The following SFMBT2 variants were observed in gnomAD, a reference collection of about 807,000 sequenced individuals.
The protein encoded by SFMBT2 is scm-like with four MBT domains protein 2.
In SFMBT2, 38 loss-of-function variants were observed where a neutral mutation model predicts 110.1. The observed-to-expected ratio is 0.35, with a 90% CI of 0.27 to 0.45. The LOEUF (loss-of-function observed/expected upper bound fraction) is 0.45, where lower values mean the gene tolerates loss of function less well. Ranked by LOEUF, SFMBT2 falls within the 20% of genes least tolerant of loss-of-function variation. SFMBT2 has a pLI of 1.00. For synonymous variants in SFMBT2, 425 were observed against 425.4 expected, an observed-to-expected ratio of 1.00 and a Z score of 0.01; for missense variants, 1,011 against 1,094.9, an observed-to-expected ratio of 0.92 and a Z score of 1.08.
At chr10:7,338,342 T>A (rs1843780965) in intron 4 of SFMBT2, among the ~76,000 whole-genome samples, 1 of 152,124 alleles carries the variant, frequency 6.6e-6, no homozygotes, top group Non-Finnish European at 1.5e-5. Flanking sequence ...CCCCCAAAAG[T>A]CAAATATCTG....
chr10:7,255,638 C>A (rs529661351), intron 7 of SFMBT2, among the ~76,000 whole-genome samples: 1 of 152,284 alleles, frequency 6.6e-6, no homozygotes, highest in South Asian at 2.1e-4. Context: ...TTCAGGGAAC[C>A]TTATTTTCAG....
At chr10:7,206,012 T>C (rs1839124575) in intron 11 of SFMBT2, 84 bp from the exon 12 acceptor site, 2 of 1,545,364 alleles carry the variant, frequency 1.3e-6, no homozygotes, top group Non-Finnish European at 1.7e-6. Context: ...AGAGCATCCC[T>C]AACATGGGGA....
rs1840763673 is a variant in SFMBT2, at chr10:7,250,340, T to G, written c.871-1691A>C. Among the ~76,000 whole-genome samples, 4 of 152,198 alleles carry G rather than the reference T, an allele frequency of 2.6e-5. No individual in the cohort carries two copies. The South Asian group carries it at 8.3e-4, about 32-fold the overall frequency. On this transcript the variant is annotated intron_variant, in intron 7 of 20. Transcript: ENST00000397167. Reference sequence around the variant, plus strand: ...CACTTCTAAGCGAGAACATGAGGTATTTGGCTTTCTGATCCTGCATTAGTT... The same window carrying G: ...CACTTCTAAGCGAGAACATGAGGTAGTTGGCTTTCTGATCCTGCATTAGTT...
chr10:7,357,022 C>A (rs552536955), intron 4 of SFMBT2, among the ~76,000 whole-genome samples: 1 of 152,182 alleles, frequency 6.6e-6, no homozygotes, highest in African/African-American at 2.4e-5. Context: ...GCATTTACTT[C>A]GCAATCTCTC....
intron 9 of SFMBT2, among the ~76,000 whole-genome samples, chr10:7,232,317 C>T (rs111665950): frequency 3.3e-5 from 5 of 152,216 alleles, no homozygotes; most frequent in African/African-American, 1.2e-4. Context: ...AAAAAAAACT[C>T]CTACCCTTTG....
At chr10:7,165,731 C>T (rs547898055) in intron 20 of SFMBT2, among the ~76,000 whole-genome samples, 1 of 152,212 alleles carries the variant, frequency 6.6e-6, no homozygotes, top group Non-Finnish European at 1.5e-5. Context: ...AAGCAGGAGA[C>T]AAACTGTAGA....
intron 1 of SFMBT2, among the ~76,000 whole-genome samples, chr10:7,384,881 C>T (rs1242529128): frequency 6.6e-6 from 1 of 152,202 alleles, no homozygotes; most frequent in East Asian, 1.9e-4. Flanking sequence ...ACTGCATTGG[C>T]GGCCACAGAA....
At chr10:7,249,530 C>T (rs1394280326) in intron 7 of SFMBT2, 6 of 985,140 alleles carry the variant, frequency 6.1e-6, no homozygotes, top group African/African-American at 1.7e-5. Flanking sequence ...ATAAATCCTG[C>T]GATTTCCAAA....
intron 10 of SFMBT2, 24 bp from the exon 11 acceptor site, chr10:7,220,561 C>A (rs751930977): frequency 6.2e-7 from 1 of 1,613,782 alleles, no homozygotes; most frequent in Admixed American, 1.7e-5. Flanking sequence ...GAGACCAACA[C>A]TGAGCCAGTG....
intron 2 of SFMBT2, among the ~76,000 whole-genome samples, chr10:7,379,814 C>G (rs1453118181): frequency 6.6e-6 from 1 of 152,194 alleles, no homozygotes; most frequent in East Asian, 1.9e-4. Context: ...TGGACTCCCC[C>G]AGCCAAGGAT....
intron 20 of SFMBT2, among the ~76,000 whole-genome samples, chr10:7,166,242 TCTAA>T (rs1404989430): frequency 6.6e-6 from 1 of 152,208 alleles, no homozygotes; most frequent in African/African-American, 2.4e-5. Flanking sequence ...AGCTAGCCAA[TCTAA>T]CTATGATCAC....
chr10:7,244,855 T>C (rs1840558139), intron 8 of SFMBT2, among the ~76,000 whole-genome samples: 1 of 152,202 alleles, frequency 6.6e-6, no homozygotes, highest in African/African-American at 2.4e-5. Context: ...TACTGAAGGT[T>C]TGCCTGTGAA....
chr10:7,234,196 T>C (rs1329342849), intron 9 of SFMBT2, among the ~76,000 whole-genome samples: 3 of 151,066 alleles, frequency 2.0e-5, no homozygotes, highest in East Asian at 1.9e-4. Flanking sequence ...TTTACGTTCA[T>C]GGAACAGTGC....
chr10:7,219,696 T>C (rs78102657), intron 11 of SFMBT2: 7,428 of 334,478 alleles, frequency 0.022, 103 homozygotes, highest in Admixed American at 0.038. Context: ...CTGAGTATTA[T>C]GAAATCCTAG....
chr10:7,344,067 G>C (rs548809680), intron 4 of SFMBT2, among the ~76,000 whole-genome samples: 7 of 152,208 alleles, frequency 4.6e-5, no homozygotes, highest in Non-Finnish European at 1.0e-4. Context: ...GAAGTAGTCA[G>C]GGGCTTTTTC....
At chr10:7,252,770 G>C (rs1428480410) in intron 7 of SFMBT2, among the ~76,000 whole-genome samples, 1 of 152,120 alleles carries the variant, frequency 6.6e-6, no homozygotes, top group Admixed American at 6.5e-5. Context: ...AATGTATATT[G>C]GTCTTTGTCC....
intron 7 of SFMBT2, among the ~76,000 whole-genome samples, chr10:7,275,513 CAAAG>C (rs1276051665): frequency 6.6e-6 from 1 of 151,160 alleles, no homozygotes; most frequent in Non-Finnish European, 1.5e-5. Context: ...AAGAGGAAGA[CAAAG>C]AGGAGAAGAG....
At chr10:7,289,758 C>T (rs533341954) in intron 4 of SFMBT2, among the ~76,000 whole-genome samples, 19 of 152,256 alleles carry the variant, frequency 1.2e-4, no homozygotes, top group African/African-American at 4.6e-4. Flanking sequence ...ATAAATATTG[C>T]TATAAAATAA....
intron 4 of SFMBT2, among the ~76,000 whole-genome samples, chr10:7,322,491 G>A (rs780772002): frequency 2.7e-4 from 41 of 152,244 alleles, no homozygotes; most frequent in Non-Finnish European, 5.1e-4. Context: ...CCTGAACAAT[G>A]ACTGCCCTAT....
Sources: gnomAD v4.1 joint callset for allele counts (sites outside exome capture counted in the v4.1 genomes callset) on GRCh38, gnomAD v4.1.1 for gene constraint, MANE v1.5 for transcripts, NCBI Gene and HGNC (gene_info 2026-07-23, HGNC 2026-07-21) for gene names.